DSCAML1: variants seen among roughly 807,000 people sequenced by gnomAD.
DSCAML1 encodes the protein cell adhesion molecule DSCAML1.
In DSCAML1, 38 loss-of-function variants were observed where a neutral mutation model predicts 200.5. That is an observed-to-expected ratio of 0.19 (90% CI 0.15 to 0.25). DSCAML1 has a LOEUF of 0.25. DSCAML1 is among the 10% of genes least tolerant of loss of function. The pLI, the probability that DSCAML1 is intolerant of heterozygous loss-of-function variation, is 1.00. For missense variants in DSCAML1, 2,223 were observed against 2,858.8 expected, an observed-to-expected ratio of 0.78 and a Z score of 5.07; for synonymous variants, 1,215 against 1,165.0, an observed-to-expected ratio of 1.04 and a Z score of -0.87.
chr11:117,613,553 A>C (rs1011561779), intron 3 of DSCAML1, among the ~76,000 whole-genome samples: 1 of 152,154 alleles, frequency 6.6e-6, no homozygotes, highest in African/African-American at 2.4e-5. Context: ...AGTCAACACC[A>C]GCTCATTAAA....
intron 3 of DSCAML1, among the ~76,000 whole-genome samples, chr11:117,722,956 AG>A (rs1265594338): frequency 6.6e-6 from 1 of 152,184 alleles, no homozygotes; most frequent in Admixed American, 6.5e-5. Flanking sequence ...TTTCATAGCA[AG>A]GGGTTACGAG....
Position 117,470,081 on chromosome 11 carries a change from G to A in DSCAML1, c.2954-101C>T. Reference sequence around the variant, plus strand: ...CACCCTCCTGAGCTGGAGGGCTCCTGGGGAGAAGACTAAGCTCAGATGCAG... The same window carrying A: ...CACCCTCCTGAGCTGGAGGGCTCCTAGGGAGAAGACTAAGCTCAGATGCAG... On this transcript the variant is annotated intron_variant, in intron 15 of 32. Transcript: ENST00000651296. The A allele has an allele frequency of 2.6e-6, 3 of 1,138,196 alleles. No individual in the cohort carries two copies. The East Asian group carries it at 7.9e-5, about 30-fold the overall frequency. The allele number at this position is 1,138,196 out of a possible 1,614,324, so 70.5% of individuals were successfully genotyped here.
At chr11:117,686,712 C>T (rs1466150739) in intron 3 of DSCAML1, among the ~76,000 whole-genome samples, 1 of 152,190 alleles carries the variant, frequency 6.6e-6, no homozygotes, top group Non-Finnish European at 1.5e-5. Context: ...CAGGCACATG[C>T]CTGGGAGCGG....
Position 117,797,055 on chromosome 11 carries a change from G to A in DSCAML1, c.25C>T (p.Leu9Phe), listed in dbSNP as rs1356703620. MWLVTFLL[L>F]LDSLHKARPE... ...TCACCTTTGTGTAAAGAGTCCAGGA[G>A]CAGGAGGAAAGTTACCAGCCACATG... is the stretch of plus-strand genomic sequence containing the variant. Residue 9 changes from leucine (L) to phenylalanine (F), a missense_variant, in exon 1 of 33, where the codon CTC (leucine) becomes TTC (phenylalanine). By Grantham distance (22) the Leu-to-Phe change is conservative (BLOSUM62 0). Coordinates refer to ENST00000651296, the MANE Select transcript of DSCAML1 (RefSeq NM_020693.4). 6.4e-7 allele frequency: 1 copy of A among 1,569,306 alleles called. No homozygotes were observed. Among genetic ancestry groups the A allele is most frequent in the Non-Finnish European group, 8.6e-7 (1 of 1,158,860 alleles).
At chr11:117,635,685 G>A (rs1053849531) in intron 3 of DSCAML1, among the ~76,000 whole-genome samples, 2 of 151,750 alleles carry the variant, frequency 1.3e-5, no homozygotes, top group African/African-American at 4.9e-5. Flanking sequence ...AAAGGAGATC[G>A]ATCAAAGTTG....
intron 3 of DSCAML1, among the ~76,000 whole-genome samples, chr11:117,594,761 T>G (rs1002077909): frequency 4.6e-5 from 7 of 152,194 alleles, no homozygotes; most frequent in African/African-American, 1.7e-4. Context: ...ACTCTCATCT[T>G]TAGTCCTATG....
chr11:117,470,351 G>C (rs974450253), intron 15 of DSCAML1, among the ~76,000 whole-genome samples: 1 of 152,178 alleles, frequency 6.6e-6, no homozygotes, highest in East Asian at 1.9e-4. Context: ...CAAGGCGGGC[G>C]GATCACGAGG....
chr11:117,580,174 GTAC>G (rs1565803730), intron 3 of DSCAML1, among the ~76,000 whole-genome samples: 1 of 152,246 alleles, frequency 6.6e-6, no homozygotes, highest in African/African-American at 2.4e-5. Flanking sequence ...GGGAGGAAAT[GTAC>G]TCAGGAGATC....
Position 117,797,100 on chromosome 11 carries a change from T to C in DSCAML1, c.-21A>G. 3.1e-6 allele frequency: 5 copies of C among 1,588,032 alleles called. No individual in the cohort carries two copies. The highest frequency in any genetic ancestry group is 3.4e-6 in the Non-Finnish European group (4 of 1,167,972). ...CACATGCCATAAAGAGGCCCTATTC[T>C]CCGGGGAGGTGGTCCTGTGGCCGGC... On this transcript the variant is annotated 5_prime_UTR_variant, in exon 1 of 33. Coordinates refer to ENST00000651296, the MANE Select transcript of DSCAML1 (RefSeq NM_020693.4).
intron 21 of DSCAML1, among the ~76,000 whole-genome samples, chr11:117,441,848 C>G (rs911038487): frequency 1.2e-4 from 19 of 152,110 alleles, no homozygotes; most frequent in Non-Finnish European, 2.5e-4. Flanking sequence ...AAGACGGCCT[C>G]CATGCGGGGG....
In DSCAML1 at chr11:117,435,739, G is replaced by A; in HGVS notation, c.4781C>T (p.Thr1594Ile). ...GEGDDVKKLF[T>I]IGCPVILATL... ...GGCCAGGATGACAGGGCAGCCGATG[G>A]TGAACAGCTTCTTCACATCATCCCC... is the stretch of plus-strand genomic sequence containing the variant. Residue 1594 changes from threonine to isoleucine, a missense_variant, in exon 27 of 33, where the codon ACC (threonine) becomes ATC (isoleucine). By Grantham distance (89) the Thr-to-Ile change is moderately conservative. Coordinates refer to ENST00000651296, the MANE Select transcript of DSCAML1 (RefSeq NM_020693.4). 1 of 1,613,640 alleles carries A rather than the reference G, an allele frequency of 6.2e-7. No homozygotes were observed. The highest frequency in any genetic ancestry group is 8.5e-7 in the Non-Finnish European group (1 of 1,179,532).
At chr11:117,707,210 G>A (rs7927379) in intron 3 of DSCAML1, among the ~76,000 whole-genome samples, 9,688 of 152,280 alleles carry the variant, frequency 0.064, 478 homozygotes, top group East Asian at 0.12. Flanking sequence ...AGGGGAGCAT[G>A]CTATTTAGGA....
intron 5 of DSCAML1, among the ~76,000 whole-genome samples, chr11:117,522,707 G>A (rs991428631): frequency 4.6e-5 from 7 of 152,158 alleles, no homozygotes; most frequent in Non-Finnish European, 7.4e-5. Flanking sequence ...CATCCCAGTC[G>A]CCAGCCGGAG....
At position 117,428,441 on chromosome 11, in the gene DSCAML1, G is replaced by A; in HGVS notation, c.6049C>T (p.His2017Tyr). 6.5e-7 allele frequency: 1 copy of A among 1,541,638 alleles called. No individual in the cohort carries two copies. Among genetic ancestry groups the A allele is most frequent in the Non-Finnish European group, 8.7e-7 (1 of 1,146,484 alleles). ...STEPPRAGGP[H>Y]TKMGGSRDSL... ...TCCCTGGAGCCCCCCATTTTGGTGT[G>A]TGGGCCCCCGGCTCGTGGAGGCTCG... The change falls in exon 33 of 33, where the codon CAC becomes TAC. Residue 2017 changes from histidine (H) to tyrosine (Y), a missense_variant. Coordinates refer to ENST00000651296, the MANE Select transcript of DSCAML1 (RefSeq NM_020693.4).
At chr11:117,526,996 A>C (rs752392280) in intron 4 of DSCAML1, among the ~76,000 whole-genome samples, 2 of 151,984 alleles carry the variant, frequency 1.3e-5, no homozygotes, top group Non-Finnish European at 2.9e-5. Flanking sequence ...ACAAAACCAT[A>C]CACACACACA....
At chr11:117,702,539 A>G (rs1450479705) in intron 3 of DSCAML1, among the ~76,000 whole-genome samples, 1 of 152,018 alleles carries the variant, frequency 6.6e-6, no homozygotes, top group Non-Finnish European at 1.5e-5. Context: ...CCTCCTTCAC[A>G]GCAATTCCCA....
intron 20 of DSCAML1, among the ~76,000 whole-genome samples, chr11:117,449,466 A>G (rs2048243309): frequency 1.3e-5 from 2 of 152,058 alleles, no homozygotes; most frequent in South Asian, 4.2e-4. Flanking sequence ...TAATTCAGAA[A>G]GACCACAGGA....
At chr11:117,491,666 C>T (rs189103445) in intron 11 of DSCAML1, among the ~76,000 whole-genome samples, 29 of 152,224 alleles carry the variant, frequency 1.9e-4, no homozygotes, top group Non-Finnish European at 4.0e-4. Context: ...CCCAGCTCCT[C>T]GGGAGGCTGA....
At chr11:117,604,908 G>A (rs1202393019) in intron 3 of DSCAML1, among the ~76,000 whole-genome samples, 1 of 152,224 alleles carries the variant, frequency 6.6e-6, no homozygotes, top group Non-Finnish European at 1.5e-5. Flanking sequence ...CTCTGGGGAT[G>A]GCCACTGCCT....
Sources: gnomAD v4.1 joint callset for allele counts (sites outside exome capture counted in the v4.1 genomes callset) on GRCh38, gnomAD v4.1.1 for gene constraint, MANE v1.5 for transcripts, NCBI Gene and HGNC (gene_info 2026-07-23, HGNC 2026-07-21) for gene names.